The following ST6GALNAC3 variants were observed in gnomAD, a reference collection of about 807,000 sequenced individuals.
ST6GALNAC3 encodes alpha-N-acetylgalactosaminide alpha-2,6-sialyltransferase 3.
ST6GALNAC3 carries 25 observed loss-of-function variants against 32.7 expected under a neutral mutation model. That is an observed-to-expected ratio of 0.76 (90% CI 0.56 to 1.07). ST6GALNAC3 has a LOEUF of 1.07. Among genes scored for constraint, ST6GALNAC3 ranks in the 50% least tolerant of loss-of-function variants. The pLI, the probability that ST6GALNAC3 is intolerant of heterozygous loss-of-function variation, is 0.00. For missense variants in ST6GALNAC3, 355 were observed against 382.4 expected (o/e 0.93, Z 0.60); for synonymous variants, 129 against 133.1 (o/e 0.97, Z 0.21).
intron 1 of ST6GALNAC3, among the ~76,000 whole-genome samples, chr1:76,087,694 C>T (rs1325238770): frequency 6.6e-6 from 1 of 152,174 alleles, no homozygotes; most frequent in Non-Finnish European, 1.5e-5. Flanking sequence ...TCTCAAAGGT[C>T]ATACTACTAG....
intron 1 of ST6GALNAC3, among the ~76,000 whole-genome samples, chr1:76,303,597 C>T (rs1660859627): frequency 1.3e-5 from 2 of 152,018 alleles, no homozygotes; most frequent in Admixed American, 6.6e-5. Context: ...CAAGTCCCTT[C>T]CACTAAAAAA....
intron 1 of ST6GALNAC3, among the ~76,000 whole-genome samples, chr1:76,187,359 G>A (rs1188007197): frequency 6.6e-6 from 1 of 152,172 alleles, no homozygotes; most frequent in Admixed American, 6.5e-5. Flanking sequence ...TGGTATATAT[G>A]TGTCTTTTAC....
chr1:76,118,515 G>A (rs1648638352), intron 1 of ST6GALNAC3, among the ~76,000 whole-genome samples: 1 of 152,114 alleles, frequency 6.6e-6, no homozygotes, highest in South Asian at 2.1e-4. Context: ...AATTTTTCAG[G>A]GTTGGGCAGA....
At chr1:76,521,276 T>C (rs999708532) in intron 3 of ST6GALNAC3, among the ~76,000 whole-genome samples, 1 of 149,574 alleles carries the variant, frequency 6.7e-6, no homozygotes, top group South Asian at 2.1e-4. Flanking sequence ...GTGCCATATA[T>C]ATACAGACAT....
rs535347854 is a variant in ST6GALNAC3 at position 76,278,326 on chromosome 1, A to G, written c.19-35479A>G. On this transcript the variant is annotated intron_variant, in intron 1 of 4. Transcript: ENST00000328299. ...AAGCTCCGCCTCCCGGGTTCACGCC[A>G]TTCTCCTGCCTCAGCCTCCCGAGTA... Among the ~76,000 whole-genome samples the G allele has an allele frequency of 4.0e-3, 602 of 149,206 alleles. 2 individuals are homozygous for G. The highest frequency in any genetic ancestry group is 7.0e-3 in the Admixed American group (104 of 14,778).
Position 76,192,941 on chromosome 1 carries a change from A to G in ST6GALNAC3, c.18+118057A>G, listed in dbSNP as rs140483696. On this transcript the variant is annotated intron_variant, in intron 1 of 4. Coordinates refer to ENST00000328299, the MANE Select transcript of ST6GALNAC3 (RefSeq NM_152996.4). The stretch of plus-strand genomic sequence containing the variant: ...CCTTTTATCTTCTGCTTTTTTGCCC[A>G]GAAAGGTCATTTTTCAATTTCCCCA... 1.3e-3 allele frequency among the ~76,000 whole-genome samples: 202 copies of G among 152,258 alleles called. 2 individuals are homozygous for G. In the East Asian group the frequency reaches 0.036, roughly 27 times the overall value.
intron 1 of ST6GALNAC3, among the ~76,000 whole-genome samples, chr1:76,194,488 G>GTAA (rs139461235): frequency 0.084 from 12,739 of 151,868 alleles, 585 homozygotes; most frequent in African/African-American, 0.12. Context: ...TTATTTCAAA[G>GTAA]TAATAATAAA....
chr1:76,089,190 G>A (rs112896194), intron 1 of ST6GALNAC3, among the ~76,000 whole-genome samples: 8,033 of 152,050 alleles, frequency 0.053, 726 homozygotes, highest in African/African-American at 0.18. Flanking sequence ...CACTACGCCC[G>A]GCTAATTTTA....
At chr1:76,163,681 G>A (rs758829045) in intron 1 of ST6GALNAC3, among the ~76,000 whole-genome samples, 14 of 151,936 alleles carry the variant, frequency 9.2e-5, no homozygotes, top group Admixed American at 2.0e-4. Context: ...ATAATGGTGT[G>A]TCTTAAATTC....
chr1:76,582,865 C>G (rs1434270387), intron 3 of ST6GALNAC3, among the ~76,000 whole-genome samples: 1 of 152,118 alleles, frequency 6.6e-6, no homozygotes, highest in South Asian at 2.1e-4. Flanking sequence ...TTTCTCTCAT[C>G]ATGTGGTTAT....
At chr1:76,211,432 C>T (rs1052131221) in intron 1 of ST6GALNAC3, among the ~76,000 whole-genome samples, 4 of 152,216 alleles carry the variant, frequency 2.6e-5, no homozygotes, top group Admixed American at 6.5e-5. Flanking sequence ...CATCCCATTA[C>T]TGGGTATATA....
At chr1:76,483,278 T>C (rs1268569697) in intron 3 of ST6GALNAC3, among the ~76,000 whole-genome samples, 1 of 152,204 alleles carries the variant, frequency 6.6e-6, no homozygotes, top group African/African-American at 2.4e-5. Flanking sequence ...TTTCTAGTTC[T>C]AGATCCCTGA....
chr1:76,138,500 C>A (rs1007346237), intron 1 of ST6GALNAC3, among the ~76,000 whole-genome samples: 3 of 152,144 alleles, frequency 2.0e-5, no homozygotes, highest in Admixed American at 6.5e-5. Flanking sequence ...ACCACAGGAC[C>A]AGAACCTGAC....
intron 1 of ST6GALNAC3, among the ~76,000 whole-genome samples, chr1:76,280,841 A>T (rs1414817086): frequency 6.6e-6 from 1 of 152,204 alleles, no homozygotes; most frequent in Non-Finnish European, 1.5e-5. Context: ...TTACAAATTG[A>T]TCATCAAGGC....
At chr1:76,239,784 G>A (rs756104214) in intron 1 of ST6GALNAC3, among the ~76,000 whole-genome samples, 2 of 152,160 alleles carry the variant, frequency 1.3e-5, no homozygotes, top group Non-Finnish European at 2.9e-5. Context: ...GAATTATATG[G>A]TACGGAAACA....
intron 2 of ST6GALNAC3, among the ~76,000 whole-genome samples, chr1:76,392,937 T>TACATCTA (rs1652676423): frequency 1.3e-5 from 2 of 152,166 alleles, no homozygotes; most frequent in Non-Finnish European, 2.9e-5. Flanking sequence ...CCATTATTAA[T>TACATCTA]GTGGAAGTAT....
intron 3 of ST6GALNAC3, among the ~76,000 whole-genome samples, chr1:76,461,243 A>G (rs1658258194): frequency 6.6e-6 from 1 of 152,182 alleles, no homozygotes; most frequent in African/African-American, 2.4e-5. Flanking sequence ...TGCAAAACAC[A>G]TAGTGAACAG....
chr1:76,325,848 CA>C (rs1333583281), intron 2 of ST6GALNAC3, among the ~76,000 whole-genome samples: 8 of 150,976 alleles, frequency 5.3e-5, no homozygotes, highest in Admixed American at 4.0e-4. Context: ...CATTGATCAA[CA>C]TTTTTTTGGT....
chr1:76,346,895 A>C (rs1321364361), intron 2 of ST6GALNAC3, among the ~76,000 whole-genome samples: 1 of 152,222 alleles, frequency 6.6e-6, no homozygotes, highest in African/African-American at 2.4e-5. Flanking sequence ...TACTATTATT[A>C]TAATTATTAT....
Sources: gnomAD v4.1 joint callset for allele counts (sites outside exome capture counted in the v4.1 genomes callset) on GRCh38, gnomAD v4.1.1 for gene constraint, MANE v1.5 for transcripts, NCBI Gene and HGNC (gene_info 2026-07-23, HGNC 2026-07-21) for gene names.